IKBKB-DT: variants seen among roughly 807,000 people sequenced by gnomAD.
IKBKB-DT encodes the protein IKBKB antisense RNA.
At chr8:42,236,201 A>G (rs1419339538) in intron 3 of IKBKB-DT, among the ~76,000 whole-genome samples, 5 of 150,826 alleles carry the variant, frequency 3.3e-5, no homozygotes, top group African/African-American at 1.2e-4. Flanking sequence ...GGGTCTTGCC[A>G]TGTTGCACAG....
chr8:42,266,934 G>A (rs551794600), intron 1 of IKBKB-DT, among the ~76,000 whole-genome samples: 72 of 152,106 alleles, frequency 4.7e-4, no homozygotes, highest in African/African-American at 1.7e-3. Context: ...GTAGCCCTCG[G>A]GGGCTGCTCT....
intron 1 of IKBKB-DT, among the ~76,000 whole-genome samples, chr8:42,267,324 A>G (rs1423264098): frequency 1.3e-5 from 2 of 152,084 alleles, no homozygotes; most frequent in African/African-American, 4.8e-5. Context: ...ACTTGCTTTC[A>G]CTTTACTGAC....
intron 2 of IKBKB-DT, among the ~76,000 whole-genome samples, chr8:42,264,491 A>G (rs980102044): frequency 2.6e-5 from 4 of 152,232 alleles, no homozygotes; most frequent in Admixed American, 2.6e-4. Context: ...GCTAACAGAA[A>G]ACAGCAGAGA....
intron 3 of IKBKB-DT, among the ~76,000 whole-genome samples, chr8:42,235,299 G>A (rs1356949266): frequency 6.8e-6 from 1 of 147,078 alleles, no homozygotes; most frequent in Non-Finnish European, 1.5e-5. Context: ...CTGCTTTCCA[G>A]GTTCAAGTGA....
intron 3 of IKBKB-DT, among the ~76,000 whole-genome samples, chr8:42,261,891 G>T (rs78344257): frequency 0.031 from 4,775 of 152,292 alleles, 104 homozygotes; most frequent in Non-Finnish European, 0.042. Context: ...CGTATTCTGG[G>T]GTGTCCCCGA....
intron 3 of IKBKB-DT, among the ~76,000 whole-genome samples, chr8:42,239,745 A>G (rs112061393): frequency 0.19 from 28,499 of 148,564 alleles, 3,186 homozygotes; most frequent in African/African-American, 0.28. Context: ...TCACAGGTTC[A>G]AGTGATTCTC....
intron 3 of IKBKB-DT, among the ~76,000 whole-genome samples, chr8:42,239,589 C>A: frequency 1.3e-5 from 1 of 78,986 alleles, no homozygotes; most frequent in Non-Finnish European, 2.7e-5. Context: ...TTCAAATGAG[C>A]CAACCAATTT....
chr8:42,269,346 A>G (rs1275291781), intron 1 of IKBKB-DT, among the ~76,000 whole-genome samples: 2 of 146,264 alleles, frequency 1.4e-5, no homozygotes, highest in African/African-American at 5.1e-5. Context: ...AAAAGGAAAG[A>G]AAAGGAAAGG....
chr8:42,261,261 G>A (rs1261451744), intron 3 of IKBKB-DT, among the ~76,000 whole-genome samples: 5 of 151,986 alleles, frequency 3.3e-5, no homozygotes, highest in Non-Finnish European at 5.9e-5. Context: ...TGAGGAGGTC[G>A]AGGCTGCAGT....
At chr8:42,257,179 C>T (rs1011115567) in intron 3 of IKBKB-DT, among the ~76,000 whole-genome samples, 9 of 152,074 alleles carry the variant, frequency 5.9e-5, no homozygotes, top group Admixed American at 3.3e-4. Flanking sequence ...ATTTAACGTA[C>T]CAAATTAATT....
chr8:42,250,336 C>T (rs1807116111), intron 3 of IKBKB-DT, among the ~76,000 whole-genome samples: 1 of 152,096 alleles, frequency 6.6e-6, no homozygotes, highest in African/African-American at 2.4e-5. Flanking sequence ...CCTGAAAAGA[C>T]ATCTCAAAAG....
intron 3 of IKBKB-DT, among the ~76,000 whole-genome samples, chr8:42,258,292 T>C (rs1807234175): frequency 6.6e-6 from 1 of 151,610 alleles, no homozygotes; most frequent in South Asian, 2.1e-4. Flanking sequence ...TCTAACTTTC[T>C]AAATCTATTC....
intron 3 of IKBKB-DT, among the ~76,000 whole-genome samples, chr8:42,241,592 C>G (rs1807004520): frequency 1.3e-5 from 2 of 152,100 alleles, no homozygotes; most frequent in African/African-American, 4.8e-5. Context: ...AGACAATCAA[C>G]AGAGGCCAAC....
At chr8:42,270,815 CT>C (rs2129952938) in exon 1 of IKBKB-DT, 1 of 153,280 alleles carries the variant, frequency 6.5e-6, no homozygotes, top group South Asian at 1.9e-4. Flanking sequence ...ACTGCTAGGT[CT>C]TTTCTTGTTT....
At chr8:42,255,161 G>A (rs1443242640) in intron 3 of IKBKB-DT, among the ~76,000 whole-genome samples, 7 of 151,478 alleles carry the variant, frequency 4.6e-5, no homozygotes, top group African/African-American at 1.2e-4. Context: ...CTGCCCAGCC[G>A]TCGCCCCATC....
chr8:42,265,400 C>A (rs1444397199), intron 2 of IKBKB-DT, among the ~76,000 whole-genome samples: 2 of 152,178 alleles, frequency 1.3e-5, no homozygotes, highest in African/African-American at 4.8e-5. Flanking sequence ...ATATTCTGGT[C>A]TCCTACTGTG....
chr8:42,247,742 T>C (rs1807080210), intron 3 of IKBKB-DT, among the ~76,000 whole-genome samples: 2 of 152,172 alleles, frequency 1.3e-5, no homozygotes, highest in South Asian at 4.1e-4. Context: ...TGAGATCTGA[T>C]TGTTTTATAA....
chr8:42,268,457 G>C (rs1479246080), intron 1 of IKBKB-DT, among the ~76,000 whole-genome samples: 1 of 151,912 alleles, frequency 6.6e-6, no homozygotes, highest in South Asian at 2.1e-4. Flanking sequence ...TTTTAGTAGA[G>C]ACGGGGTTTC....
chr8:42,237,083 T>G (rs974440154), intron 3 of IKBKB-DT, among the ~76,000 whole-genome samples: 2 of 148,194 alleles, frequency 1.3e-5, no homozygotes, highest in South Asian at 2.1e-4. Context: ...AGGCTCAGTT[T>G]TTTTTTTTTG....
Sources: gnomAD v4.1 joint callset for allele counts (sites outside exome capture counted in the v4.1 genomes callset) on GRCh38, gnomAD v4.1.1 for gene constraint, MANE v1.5 for transcripts, NCBI Gene and HGNC (gene_info 2026-07-23, HGNC 2026-07-21) for gene names.